Variants in NRG3 observed in about 807,000 individuals in gnomAD.
NRG3 encodes neuregulin 3, also known as pro-neuregulin-3, membrane-bound isoform.
Under a neutral mutation model 66.9 loss-of-function variants are expected in NRG3, and 31 were observed. The ratio of observed to expected loss-of-function variants is 0.46; its 90% CI spans 0.35 to 0.63. The LOEUF (loss-of-function observed/expected upper bound fraction) is 0.63. Ranked by LOEUF, NRG3 falls within the 20% of genes least tolerant of loss-of-function variation. The pLI is 0.00. For synonymous variants in NRG3, 393 were observed against 359.4 expected, an observed-to-expected ratio of 1.09 and a Z score of -1.06; for missense variants, 910 against 878.9, an observed-to-expected ratio of 1.04 and a Z score of -0.45.
chr10:82,970,113 G>A (rs1564678491), intron 6 of NRG3, among the ~76,000 whole-genome samples: 1 of 151,768 alleles, frequency 6.6e-6, no homozygotes, highest in Admixed American at 6.6e-5. Flanking sequence ...GATGTACCCT[G>A]GAAATTATTA....
At chr10:82,605,457 A>G (rs1420680873) in intron 2 of NRG3, among the ~76,000 whole-genome samples, 2 of 151,968 alleles carry the variant, frequency 1.3e-5, no homozygotes, top group Non-Finnish European at 2.9e-5. Flanking sequence ...GAATTCTTTT[A>G]CTACATCAGT....
At chr10:82,819,550 A>G (rs1373880810) in intron 3 of NRG3, among the ~76,000 whole-genome samples, 1 of 152,208 alleles carries the variant, frequency 6.6e-6, no homozygotes, top group Non-Finnish European at 1.5e-5. Context: ...AGGAAAAAAT[A>G]TCCATTACAG....
At chr10:82,752,414 C>T (rs927382540) in intron 3 of NRG3, among the ~76,000 whole-genome samples, 2 of 152,048 alleles carry the variant, frequency 1.3e-5, no homozygotes, top group Non-Finnish European at 2.9e-5. Flanking sequence ...CAAAAAATCC[C>T]CTTATCTCTT....
intron 4 of NRG3, among the ~76,000 whole-genome samples, chr10:82,913,457 G>C (rs2483305): frequency 0.59 from 89,790 of 151,942 alleles, 28,550 homozygotes; most frequent in African/African-American, 0.83. Flanking sequence ...TCTGAAGAAG[G>C]CTTAACATTT....
intron 1 of NRG3, among the ~76,000 whole-genome samples, chr10:81,951,025 A>G (rs1433391669): frequency 1.3e-5 from 2 of 152,194 alleles, no homozygotes; most frequent in African/African-American, 4.8e-5. Context: ...ACAATCGAAT[A>G]TCTGGATTTG....
At chr10:82,097,869 A>G (rs778196417) in intron 1 of NRG3, among the ~76,000 whole-genome samples, 132 of 152,068 alleles carry the variant, frequency 8.7e-4, no homozygotes, top group Non-Finnish European at 1.2e-3. Flanking sequence ...GGTGTTGAAC[A>G]TATGTTTGTG....
chr10:82,360,386 A>G (rs1490604020), intron 2 of NRG3, among the ~76,000 whole-genome samples: 2 of 152,234 alleles, frequency 1.3e-5, no homozygotes, highest in Non-Finnish European at 2.9e-5. Flanking sequence ...ATCATTTGGA[A>G]GTGGCCAATG....
intron 1 of NRG3, among the ~76,000 whole-genome samples, chr10:82,112,693 A>T (rs2067459637): frequency 3.9e-5 from 6 of 152,180 alleles, no homozygotes; most frequent in Admixed American, 3.9e-4. Flanking sequence ...TTTAGGTGAC[A>T]TTCTGAAGGT....
At chr10:82,026,850 T>C (rs1266741096) in intron 1 of NRG3, among the ~76,000 whole-genome samples, 1 of 151,964 alleles carries the variant, frequency 6.6e-6, no homozygotes, top group Non-Finnish European at 1.5e-5. Context: ...TTTTTGCCTC[T>C]TCCTAGGCAA....
intron 1 of NRG3, among the ~76,000 whole-genome samples, chr10:82,213,668 C>T (rs1342108238): frequency 2.0e-5 from 3 of 152,138 alleles, no homozygotes; most frequent in Non-Finnish European, 4.4e-5. Context: ...TTTATGTTTA[C>T]TGTGTATCCC....
At chr10:82,177,851 A>C (rs1321647052) in intron 1 of NRG3, among the ~76,000 whole-genome samples, 1 of 152,204 alleles carries the variant, frequency 6.6e-6, no homozygotes, top group Non-Finnish European at 1.5e-5. Context: ...AAAGAAATTA[A>C]AAATCGGAAC....
intron 1 of NRG3, among the ~76,000 whole-genome samples, chr10:82,097,383 C>CACAA (rs1564558696): frequency 6.8e-6 from 1 of 146,832 alleles, no homozygotes; most frequent in Non-Finnish European, 1.5e-5. Flanking sequence ...CACACACACA[C>CACAA]ACACACACAC....
intron 1 of NRG3, among the ~76,000 whole-genome samples, chr10:82,287,723 T>A (rs1282800602): frequency 6.6e-6 from 1 of 152,168 alleles, no homozygotes; most frequent in Non-Finnish European, 1.5e-5. Context: ...TGGCACAGAT[T>A]AAAAACTGAA....
intron 2 of NRG3, among the ~76,000 whole-genome samples, chr10:82,585,169 G>A (rs995885966): frequency 6.7e-6 from 1 of 148,852 alleles, no homozygotes; most frequent in Non-Finnish European, 1.5e-5. Context: ...AACTCATAAG[G>A]TTTTTTTTTT....
chr10:82,675,084 G>A (rs915185206), intron 2 of NRG3, among the ~76,000 whole-genome samples: 5 of 151,884 alleles, frequency 3.3e-5, no homozygotes, highest in Non-Finnish European at 7.4e-5. Flanking sequence ...CCAACCCCCT[G>A]AGTAGCTGGG....
At chr10:82,314,667 G>T (rs1408658325) in intron 1 of NRG3, among the ~76,000 whole-genome samples, 1 of 151,860 alleles carries the variant, frequency 6.6e-6, no homozygotes, top group African/African-American at 2.4e-5. Context: ...AAAATTAGCC[G>T]GGCATGGTGG....
At chr10:82,363,516 C>G (rs1334901169) in intron 2 of NRG3, among the ~76,000 whole-genome samples, 1 of 152,146 alleles carries the variant, frequency 6.6e-6, no homozygotes, top group Non-Finnish European at 1.5e-5. Flanking sequence ...AGTGCGGTGG[C>G]GTGATCTAGG....
In NRG3 at chr10:81,875,972, C is replaced by G. The variant is rs753657685; in HGVS notation, c.632C>G (p.Pro211Arg). ...FSSSTLGSRP[P>R]VPGTPSTQAM... ...AGCAGCACGCTGGGCTCCCGACCCC[C>G]GGTGCCAGGAACTCCAAGTACCCAG... Residue 211 changes from proline (P) to arginine (R), a missense_variant, in exon 1 of 9, where the codon CCG (proline) becomes CGG (arginine). Pro to Arg is a moderately radical substitution (Grantham distance 103). Transcript: ENST00000372141. The surrounding 1 kb of genome is among the most constrained non-coding windows in gnomAD (Gnocchi z 5.3). 5 of 1,614,038 alleles carry G rather than the reference C, an allele frequency of 3.1e-6. No homozygotes were observed. In the South Asian group the frequency reaches 4.4e-5, roughly 14 times the overall value.
At chr10:82,880,100 T>A (rs1353981544) in intron 4 of NRG3, among the ~76,000 whole-genome samples, 2 of 151,702 alleles carry the variant, frequency 1.3e-5, no homozygotes, top group Middle Eastern at 3.4e-3. Context: ...AGAGAATGAA[T>A]GTTCACTATT....
Sources: gnomAD v4.1 joint callset for allele counts (sites outside exome capture counted in the v4.1 genomes callset) on GRCh38, gnomAD v4.1.1 for gene constraint, Gnocchi (gnomAD v3.1) non-coding constraint, MANE v1.5 for transcripts, NCBI Gene and HGNC (gene_info 2026-07-23, HGNC 2026-07-21) for gene names.